Variants in ANTXR1 observed in about 807,000 individuals in gnomAD.
ANTXR1 encodes the protein ANTXR cell adhesion molecule 1.
In ANTXR1, 19 loss-of-function variants were observed where a neutral mutation model predicts 78.1. That is an observed-to-expected ratio of 0.24 (90% CI 0.17 to 0.36). The LOEUF (loss-of-function observed/expected upper bound fraction) is 0.36. ANTXR1 is among the 10% of genes least tolerant of loss of function. The probability of loss-of-function intolerance (pLI) is 1.00; values close to 1 mark genes in which losing one functional copy is unlikely to be tolerated. For missense variants in ANTXR1, 518 were observed against 718.6 expected, an observed-to-expected ratio of 0.72 and a Z score of 3.19; for synonymous variants, 273 against 260.5, an observed-to-expected ratio of 1.05 and a Z score of -0.46.
chr2:69,035,627 G>A (rs553905747), intron 1 of ANTXR1, among the ~76,000 whole-genome samples: 8 of 152,266 alleles, frequency 5.3e-5, no homozygotes, highest in Admixed American at 2.0e-4. Flanking sequence ...CATCTCCAGC[G>A]TGGCTCAAAG....
At chr2:69,017,436 T>C (rs1671056924) in intron 1 of ANTXR1, among the ~76,000 whole-genome samples, 1 of 152,206 alleles carries the variant, frequency 6.6e-6, no homozygotes, top group Non-Finnish European at 1.5e-5. Context: ...TGCAACTCCT[T>C]CTTCCCCTGC....
At chr2:69,073,949 C>T (rs925967249) in intron 6 of ANTXR1, among the ~76,000 whole-genome samples, 8 of 152,306 alleles carry the variant, frequency 5.3e-5, no homozygotes, top group Middle Eastern at 3.4e-3. Flanking sequence ...TCCTCAAGCT[C>T]TTAACAACTA....
intron 16 of ANTXR1, among the ~76,000 whole-genome samples, chr2:69,193,126 A>G (rs1558636055): frequency 6.6e-6 from 1 of 152,186 alleles, no homozygotes; most frequent in Non-Finnish European, 1.5e-5. Context: ...CACAAGCATC[A>G]GAGTCTCCTG....
At chr2:69,102,609 T>C (rs1671659831) in intron 9 of ANTXR1, among the ~76,000 whole-genome samples, 1 of 152,122 alleles carries the variant, frequency 6.6e-6, no homozygotes. Flanking sequence ...AGCCCAAAGG[T>C]AAAAGGGTGG....
At chr2:69,020,298 G>A (rs926377178) in intron 1 of ANTXR1, among the ~76,000 whole-genome samples, 1 of 152,184 alleles carries the variant, frequency 6.6e-6, no homozygotes, top group Non-Finnish European at 1.5e-5. Flanking sequence ...TTCCACATTT[G>A]GAGAAGGCCT....
intron 17 of ANTXR1, among the ~76,000 whole-genome samples, chr2:69,241,561 T>C (rs957465606): frequency 4.6e-5 from 7 of 152,176 alleles, no homozygotes; most frequent in Non-Finnish European, 7.3e-5. Context: ...GTTACAGGAC[T>C]TGGTGGCAAC....
At chr2:69,147,042 G>A (rs1004936630) in intron 12 of ANTXR1, among the ~76,000 whole-genome samples, 1 of 152,212 alleles carries the variant, frequency 6.6e-6, no homozygotes, top group Non-Finnish European at 1.5e-5. Context: ...AGGGGCACAG[G>A]AGGGCAGCAT....
intron 17 of ANTXR1, among the ~76,000 whole-genome samples, chr2:69,199,604 C>G (rs1674727275): frequency 6.6e-6 from 1 of 152,150 alleles, no homozygotes; most frequent in African/African-American, 2.4e-5. Context: ...GCGTGGACTC[C>G]AGTGGTTTTC....
At chr2:69,117,464 G>T (rs1474140104) in intron 10 of ANTXR1, among the ~76,000 whole-genome samples, 1 of 152,194 alleles carries the variant, frequency 6.6e-6, no homozygotes, top group Non-Finnish European at 1.5e-5. Flanking sequence ...GCATGCACCT[G>T]TGTGTATAGA....
chr2:69,134,341 A>T (rs1452134785), intron 12 of ANTXR1, among the ~76,000 whole-genome samples: 1 of 152,224 alleles, frequency 6.6e-6, no homozygotes, highest in African/African-American at 2.4e-5. Context: ...ATACCTTTAG[A>T]GCCCTAATTC....
intron 12 of ANTXR1, among the ~76,000 whole-genome samples, chr2:69,138,340 C>T (rs1672974916): frequency 1.3e-5 from 2 of 152,142 alleles, no homozygotes; most frequent in African/African-American, 4.8e-5. Context: ...GGAGATGACC[C>T]ACCAGGATCA....
intron 17 of ANTXR1, among the ~76,000 whole-genome samples, chr2:69,217,242 T>G (rs1675200715): frequency 6.6e-6 from 1 of 152,174 alleles, no homozygotes; most frequent in Admixed American, 6.5e-5. Flanking sequence ...CCACCAAAAG[T>G]GCTTAGGGCC....
chr2:69,077,847 G>A (rs554346186), intron 8 of ANTXR1, among the ~76,000 whole-genome samples: 42 of 152,330 alleles, frequency 2.8e-4, no homozygotes, highest in African/African-American at 1.0e-3. Flanking sequence ...CAGAGCACTT[G>A]TAGGCTTGGA....
At chr2:69,198,379 G>A (rs2104482167) in intron 17 of ANTXR1, among the ~76,000 whole-genome samples, 1 of 152,064 alleles carries the variant, frequency 6.6e-6, no homozygotes, top group South Asian at 2.1e-4. Context: ...TTGTCAATTG[G>A]TTTGACTTGG....
At chr2:69,027,814 CAAA>C (rs551034885) in intron 1 of ANTXR1, among the ~76,000 whole-genome samples, 4 of 100,472 alleles carry the variant, frequency 4.0e-5, no homozygotes, top group Admixed American at 1.1e-4. Flanking sequence ...TTTTCAGTAG[CAAA>C]AAAAAAAAAA....
At chr2:69,133,949 T>G (rs996926617) in intron 12 of ANTXR1, among the ~76,000 whole-genome samples, 1 of 152,140 alleles carries the variant, frequency 6.6e-6, no homozygotes, top group African/African-American at 2.4e-5. Context: ...ACTGAAATAA[T>G]GTACTTAGAA....
intron 3 of ANTXR1, among the ~76,000 whole-genome samples, chr2:69,053,616 AG>A (rs1422310871): frequency 6.6e-6 from 1 of 152,212 alleles, no homozygotes; most frequent in African/African-American, 2.4e-5. Context: ...ATTTGGAAAA[AG>A]AAGCAAAAGT....
intron 12 of ANTXR1, among the ~76,000 whole-genome samples, chr2:69,144,597 T>G (rs1369819247): frequency 6.6e-6 from 1 of 152,210 alleles, no homozygotes; most frequent in Non-Finnish European, 1.5e-5. Flanking sequence ...CTTTGCCAGC[T>G]CTCAAGAAGC....
At chr2:69,028,332 T>C (rs1026222089) in intron 1 of ANTXR1, among the ~76,000 whole-genome samples, 1 of 152,126 alleles carries the variant, frequency 6.6e-6, no homozygotes, top group African/African-American at 2.4e-5. Context: ...AGAAGAACTT[T>C]ATAAGTGGGA....
Sources: gnomAD v4.1 joint callset for allele counts (sites outside exome capture counted in the v4.1 genomes callset) on GRCh38, gnomAD v4.1.1 for gene constraint, MANE v1.5 for transcripts, NCBI Gene and HGNC (gene_info 2026-07-23, HGNC 2026-07-21) for gene names.